Variants in DOP1A observed in about 807,000 individuals in gnomAD.
The protein encoded by DOP1A is protein DOP1A.
DOP1A carries 90 observed loss-of-function variants against 267.6 expected under a neutral mutation model. That is an observed-to-expected ratio of 0.34 (90% CI 0.28 to 0.40). DOP1A has a LOEUF of 0.40. Ranked by LOEUF, DOP1A falls within the 10% of genes least tolerant of loss-of-function variation. The pLI is 1.00. For missense variants in DOP1A, 2,437 were observed against 2,900.4 expected, an observed-to-expected ratio of 0.84 and a Z score of 3.67; for synonymous variants, 932 against 999.1, an observed-to-expected ratio of 0.93 and a Z score of 1.27.
intron 35 of DOP1A, 125 bp from the exon 36 acceptor site, chr6:83,158,442 A>G: frequency 1.3e-6 from 1 of 779,622 alleles, no homozygotes; most frequent in Non-Finnish European, 2.1e-6. Context: ...ACTAAGTATA[A>G]TTTAAAAGAT....
downstream of DOP1A, chr6:83,169,106 T>C: frequency 1.4e-6 from 2 of 1,480,436 alleles, no homozygotes; most frequent in Non-Finnish European, 1.8e-6. Flanking sequence ...GAAAAACAGA[T>C]CTAGAGACAA....
intron 38 of DOP1A, chr6:83,164,785 C>T: frequency 7.3e-7 from 1 of 1,366,108 alleles, no homozygotes; most frequent in Non-Finnish European, 1.0e-6. Flanking sequence ...GACACAAACC[C>T]AGGTCTGAAT....
intron 38 of DOP1A, chr6:83,165,903 C>T (rs1412534848): frequency 7.4e-6 from 3 of 405,958 alleles, no homozygotes; most frequent in African/African-American, 2.1e-5. Flanking sequence ...ATGGTTTCAC[C>T]TGGATTCAGA....
chr6:83,130,807 C>T (rs1777897438), intron 17 of DOP1A, among the ~76,000 whole-genome samples: 2 of 151,562 alleles, frequency 1.3e-5, no homozygotes, highest in South Asian at 2.1e-4. Context: ...GGCATGATCT[C>T]GGCTCACTGC....
At chr6:83,070,644 A>G (rs754884692) in intron 1 of DOP1A, among the ~76,000 whole-genome samples, 1 of 152,196 alleles carries the variant, frequency 6.6e-6, no homozygotes, top group Non-Finnish European at 1.5e-5. Context: ...TTTAAGACCT[A>G]GCTCAAATGC....
chr6:83,125,469 TA>T (rs764414618), intron 14 of DOP1A, 30 bp from the exon 15 acceptor site: 2 of 1,602,292 alleles, frequency 1.2e-6, no homozygotes, highest in Admixed American at 3.4e-5. Context: ...CCACATTGTT[TA>T]AACTTTTTTC....
At chr6:83,072,054 T>C (rs935412033) in intron 1 of DOP1A, among the ~76,000 whole-genome samples, 1 of 152,238 alleles carries the variant, frequency 6.6e-6, no homozygotes, top group Non-Finnish European at 1.5e-5. Flanking sequence ...ATTTTTATAT[T>C]TTAATCCTGC....
intron 4 of DOP1A, among the ~76,000 whole-genome samples, chr6:83,104,884 GTC>G (rs1773308341): frequency 1.3e-5 from 2 of 151,004 alleles, no homozygotes; most frequent in South Asian, 4.2e-4. Flanking sequence ...AATTTTGTTA[GTC>G]TTTTTAAAAA....
intron 20 of DOP1A, among the ~76,000 whole-genome samples, chr6:83,136,765 C>T (rs985393801): frequency 9.2e-5 from 14 of 152,082 alleles, no homozygotes; most frequent in African/African-American, 3.4e-4. Flanking sequence ...ATTCTCACCT[C>T]CCCTCTGAGA....
intron 1 of DOP1A, among the ~76,000 whole-genome samples, chr6:83,071,343 A>G (rs142571459): frequency 2.0e-5 from 3 of 152,014 alleles, no homozygotes; most frequent in Non-Finnish European, 2.9e-5. Context: ...ATTAGCTGGT[A>G]TTACAGGCAC....
intron 24 of DOP1A, among the ~76,000 whole-genome samples, chr6:83,144,723 G>A (rs918375291): frequency 6.6e-6 from 1 of 151,936 alleles, no homozygotes; most frequent in Non-Finnish European, 1.5e-5. Flanking sequence ...ATAAAATCAG[G>A]AAATAGGAAA....
rs766892542 is a variant in DOP1A, at chr6:83,128,984, T to C, written c.1817T>C (p.Ile606Thr). Residue 606 changes from isoleucine to threonine, a missense_variant, in exon 16 of 39, where the codon ATA becomes ACA. This residue lies in a region of DOP1A where 498 missense variants were observed against 513.5 expected (regional missense o/e 0.97). Coordinates refer to ENST00000349129, the MANE Select transcript of DOP1A (RefSeq NM_015018.4). ...RSSESGFTEF[I>T]QYQADRTDDI... ...TCAGAGAGTGGATTCACTGAGTTTATACAATATCAAGCAGACCGAACTGAT... is the reference window on the plus strand; with the variant it reads ...TCAGAGAGTGGATTCACTGAGTTTACACAATATCAAGCAGACCGAACTGAT... 4.4e-5 allele frequency: 71 copies of C among 1,611,220 alleles called. No individual in the cohort carries two copies. Among genetic ancestry groups the C allele is most frequent in the Non-Finnish European group, 5.8e-5 (68 of 1,178,718 alleles).
intron 17 of DOP1A, 98 bp from the exon 18 acceptor site, chr6:83,132,078 T>G: frequency 7.1e-7 from 1 of 1,407,340 alleles, no homozygotes; most frequent in Admixed American, 1.8e-5. Flanking sequence ...GCCTTTCAGG[T>G]CTGACAGAGA....
At chr6:83,086,642 T>C (rs868231112) in intron 1 of DOP1A, among the ~76,000 whole-genome samples, 1 of 152,092 alleles carries the variant, frequency 6.6e-6, no homozygotes, top group South Asian at 2.1e-4. Flanking sequence ...AAAAACAAGG[T>C]ATTGAATACT....
intron 4 of DOP1A, among the ~76,000 whole-genome samples, chr6:83,101,926 T>C (rs1266337021): frequency 1.3e-5 from 2 of 151,836 alleles, no homozygotes; most frequent in African/African-American, 4.9e-5. Context: ...TAAAATATTA[T>C]TAATTATAGT....
intron 34 of DOP1A, 112 bp downstream of exon 34, chr6:83,156,215 G>A (rs1009050536): frequency 1.0e-5 from 8 of 784,960 alleles, no homozygotes; most frequent in Non-Finnish European, 1.1e-5. Context: ...TAGATCAATC[G>A]GGAATTAGAA....
chr6:83,166,081 C>T, intron 38 of DOP1A: 2 of 332,290 alleles, frequency 6.0e-6, no homozygotes, highest in Non-Finnish European at 5.5e-6. Flanking sequence ...CATCACAATC[C>T]GATAGAGAAA....
In DOP1A at chr6:83,148,782, A is replaced by G; in HGVS notation, c.5756A>G (p.Asp1919Gly). 6.4e-7 allele frequency: 1 copy of G among 1,556,728 alleles called. No individual in the cohort carries two copies. The highest frequency in any genetic ancestry group is 2.4e-5 in the East Asian group (1 of 41,194). ...IQRIPVPNLV[D>G]SWASLLILLK... is the part of the protein sequence containing the mutation. Reference sequence around the variant, plus strand: ...AGAATTCCAGTGCCCAATTTAGTGGATAGCTGGGCGTCACTGTTGATACTT... The same window carrying G: ...AGAATTCCAGTGCCCAATTTAGTGGGTAGCTGGGCGTCACTGTTGATACTT... Residue 1919 changes from aspartate (D) to glycine (G), a missense_variant, in exon 27 of 39, where the codon GAT (aspartate) becomes GGT (glycine). Coordinates refer to ENST00000349129, the MANE Select transcript of DOP1A (RefSeq NM_015018.4).
At chr6:83,133,121 T>A (rs2128247686) in intron 18 of DOP1A, among the ~76,000 whole-genome samples, 1 of 152,254 alleles carries the variant, frequency 6.6e-6, no homozygotes, top group Middle Eastern at 3.4e-3. Context: ...GAATGAAAAG[T>A]TTATTCCAAG....
Sources: gnomAD v4.1 joint callset for allele counts (sites outside exome capture counted in the v4.1 genomes callset) on GRCh38, gnomAD v4.1.1 for gene constraint, gnomAD v4.1.1 regional missense constraint, MANE v1.5 for transcripts, NCBI Gene and HGNC (gene_info 2026-07-23, HGNC 2026-07-21) for gene names.